Variants in PCDHGB4 observed in about 807,000 individuals in gnomAD.
The protein encoded by PCDHGB4 is protocadherin gamma subfamily B, 4, also known as protocadherin gamma-B4.
A neutral mutation model predicts 60.5 loss-of-function variants in PCDHGB4; 38 were observed. The ratio of observed to expected loss-of-function variants is 0.63; its 90% CI spans 0.48 to 0.82. The LOEUF is 0.82. Among genes scored for constraint, PCDHGB4 ranks in the 40% least tolerant of loss-of-function variants. The pLI is 0.00. For missense variants in PCDHGB4, 1,109 were observed against 1,209.6 expected (o/e 0.92, Z 1.23); for synonymous variants, 456 against 509.7 (o/e 0.89, Z 1.42).
chr5:141,395,403 A>C (rs1383871945), intron 1 of PCDHGB4: 7 of 849,376 alleles, frequency 8.2e-6, no homozygotes, highest in Non-Finnish European at 1.2e-5. Context: ...TCTAATAGTC[A>C]TAGGTTATTG....
chr5:141,424,295 C>T (rs1481053072), intron 1 of PCDHGB4: 1 of 152,526 alleles, frequency 6.6e-6, no homozygotes, highest in East Asian at 1.9e-4. Flanking sequence ...TTTCTTCATC[C>T]TATCAACACA....
intron 1 of PCDHGB4, chr5:141,428,003 C>A (rs1175875944): frequency 2.5e-6 from 4 of 1,601,244 alleles, no homozygotes; most frequent in Non-Finnish European, 3.4e-6. Context: ...CCGCACTCTT[C>A]GATATAGTGC....
At chr5:141,419,203 C>A in intron 1 of PCDHGB4, 1 of 1,613,988 alleles carries the variant, frequency 6.2e-7, no homozygotes, top group South Asian at 1.1e-5. Context: ...TCAATGACAA[C>A]GCGCCGGTTT....
rs1264759473 is a variant in PCDHGB4 at position 141,486,183 on chromosome 5, G to A, written c.2398-8624G>A. On this transcript the variant is annotated intron_variant, in intron 1 of 3. Transcript: ENST00000519479. The surrounding 1 kb of genome is among the most constrained non-coding windows in gnomAD (Gnocchi z 5.0). The stretch of plus-strand genomic sequence containing the variant: ...GCCATGGAGCAACATTGCAGCCTTC[G>A]AGTGGATCTGCTGGACGTAAATGAC... 3 of 1,614,154 alleles carry A rather than the reference G, an allele frequency of 1.9e-6. No homozygotes were observed. The highest frequency in any genetic ancestry group is 1.1e-5 in the South Asian group (1 of 91,082).
chr5:141,434,261 G>A (rs1269166732), intron 1 of PCDHGB4, among the ~76,000 whole-genome samples: 2 of 152,194 alleles, frequency 1.3e-5, no homozygotes. Context: ...TTGTGGGGGA[G>A]GTGGAAATTA....
chr5:141,485,116 G>T lies in PCDHGB4; in HGVS notation c.2398-9691G>T, dbSNP rs904145668. ...TGTCTCCAGCTGCTGTGGCTGTTTGGGGCGGGTCGGCTTCATCCGCGTCTC... is the reference window on the plus strand; with the variant it reads ...TGTCTCCAGCTGCTGTGGCTGTTTGTGGCGGGTCGGCTTCATCCGCGTCTC... On this transcript the variant is annotated intron_variant, in intron 1 of 3. Coordinates refer to ENST00000519479, the MANE Select transcript of PCDHGB4 (RefSeq NM_003736.4). This position sits in a 1 kb window ranked among gnomAD's most constrained non-coding sequence, Gnocchi z 5.7. 3.0e-6 allele frequency: 4 copies of T among 1,312,058 alleles called. No homozygotes were observed. The African/African-American group carries it at 5.8e-5, about 19-fold the overall frequency. 81.3% of individuals were successfully genotyped at this position (1,312,058 alleles called of 1,614,324 possible).
At chr5:141,460,985 ATATATATATATGTG>A (rs2099005673) in intron 1 of PCDHGB4, among the ~76,000 whole-genome samples, 1 of 91,766 alleles carries the variant, frequency 1.1e-5, no homozygotes, top group Non-Finnish European at 2.2e-5. Flanking sequence ...GTGTGTGTGT[ATATATATATATGTG>A]TATATATATA....
chr5:141,399,643 C>G lies in PCDHGB4; in HGVS notation c.2397+9362C>G, dbSNP rs776980167. On this transcript the variant is annotated intron_variant, in intron 1 of 3. Transcript: ENST00000519479. The stretch of plus-strand genomic sequence containing the variant: ...GGCCTCTTACGTGTCCATGAGCGCG[C>G]AAAGTGGGGTGGTGTTCGCGCAGCG... 133 of 1,613,714 alleles carry G rather than the reference C, an allele frequency of 8.2e-5. No individual in the cohort carries two copies. Among genetic ancestry groups the G allele is most frequent in the Non-Finnish European group, 1.1e-4 (126 of 1,179,890 alleles).
chr5:141,421,734 G>A (rs761780459), intron 1 of PCDHGB4: 1 of 1,613,948 alleles, frequency 6.2e-7, no homozygotes, highest in Non-Finnish European at 8.5e-7. Flanking sequence ...ACTCCCTCCA[G>A]AGCTACCAGC....
chr5:141,418,064 A>T, intron 1 of PCDHGB4: 1 of 1,614,006 alleles, frequency 6.2e-7, no homozygotes, highest in Non-Finnish European at 8.5e-7. Flanking sequence ...GCTGCGAGTG[A>T]GCGCGGAGAA....
At chr5:141,408,504 G>C (rs752297449) in intron 1 of PCDHGB4, 2 of 1,613,936 alleles carry the variant, frequency 1.2e-6, no homozygotes, top group Non-Finnish European at 1.7e-6. Context: ...GAGAGAAGAA[G>C]ATGTGAGTTG....
At chr5:141,430,573 A>T (rs938248057) in intron 1 of PCDHGB4, 2 of 449,056 alleles carry the variant, frequency 4.5e-6, no homozygotes, top group Non-Finnish European at 7.6e-6. Flanking sequence ...AGAAAAGCGG[A>T]GATCCTGCTC....
intron 1 of PCDHGB4, among the ~76,000 whole-genome samples, chr5:141,405,721 A>G (rs1295046106): frequency 1.3e-5 from 2 of 151,702 alleles, no homozygotes; most frequent in African/African-American, 4.8e-5. Context: ...CAAGTGATCC[A>G]CCCACCTCAG....
At position 141,499,673 on chromosome 5, in the gene PCDHGB4, C is replaced by A. The variant is rs1193484216; in HGVS notation, c.2456+4808C>A. Among the ~76,000 whole-genome samples the A allele has an allele frequency of 2.7e-5, 4 of 150,550 alleles. No individual in the cohort carries two copies. In the East Asian group the frequency reaches 7.8e-4, roughly 29 times the overall value. On this transcript the variant is annotated intron_variant, in intron 2 of 3. Transcript: ENST00000519479. ...CATATAATTTCATCTTGGTCTCCACCATCTTTAACAGATGACTTTTTTTTT... is the reference window on the plus strand; with the variant it reads ...CATATAATTTCATCTTGGTCTCCACAATCTTTAACAGATGACTTTTTTTTT...
rs1590066119 is a variant in PCDHGB4, at chr5:141,417,816, C to G, written c.2397+27535C>G. On this transcript the variant is annotated intron_variant, in intron 1 of 3. Transcript: ENST00000519479. ...CTTTTAGCGCGGTAGAGTGCACTTT[C>G]TCCAACTGGAAAAGCGGGGACCCAG... is the stretch of plus-strand genomic sequence containing the variant. 3 of 1,511,044 alleles carry G rather than the reference C, an allele frequency of 2.0e-6. No homozygotes were observed. The East Asian group carries it at 7.4e-5, about 37-fold the overall frequency. 93.6% of individuals were successfully genotyped at this position (1,511,044 alleles called of 1,614,324 possible).
At position 141,432,455 on chromosome 5, in the gene PCDHGB4, G is replaced by A; in HGVS notation, c.2397+42174G>A. The A allele has an allele frequency of 6.2e-7, 1 of 1,614,176 alleles. No individual in the cohort carries two copies. The highest frequency in any genetic ancestry group is 8.5e-7 in the Non-Finnish European group (1 of 1,180,042). On this transcript the variant is annotated intron_variant, in intron 1 of 3. Transcript: ENST00000519479. The surrounding 1 kb of genome is among the most constrained non-coding windows in gnomAD (Gnocchi z 6.0). ...CAATGCGCCCGAGATCCTGTACCCCGCCCTCCCCACGGACGGTTCCACTGG... is the reference window on the plus strand; with the variant it reads ...CAATGCGCCCGAGATCCTGTACCCCACCCTCCCCACGGACGGTTCCACTGG...
chr5:141,471,036 C>A (rs1437409726), intron 1 of PCDHGB4, among the ~76,000 whole-genome samples: 1 of 144,908 alleles, frequency 6.9e-6, no homozygotes, highest in Admixed American at 7.0e-5. Context: ...TATTAACAAG[C>A]CCAAGCCCTC....
At position 141,485,035 on chromosome 5, in the gene PCDHGB4, AC is replaced by A; in HGVS notation, c.2398-9769del. ...CCGCCACCAGCAAAAACGGCGCGTA[AC>A]CCTTGCGGCGCCGGCCGAACCGCGC... On this transcript the variant is annotated intron_variant, in intron 1 of 3. Coordinates refer to ENST00000519479, the MANE Select transcript of PCDHGB4 (RefSeq NM_003736.4). The surrounding 1 kb of genome is among the most constrained non-coding windows in gnomAD (Gnocchi z 5.7). 1.4e-6 allele frequency: 1 copy of A among 694,388 alleles called. No homozygotes were observed. Among genetic ancestry groups the A allele is most frequent in the East Asian group, 2.6e-5 (1 of 38,852 alleles). The allele number at this position is 694,388 out of a possible 1,614,324, so 43.0% of individuals were successfully genotyped here.
chr5:141,509,765 T>G (rs1312823974), intron 3 of PCDHGB4, among the ~76,000 whole-genome samples: 2 of 152,120 alleles, frequency 1.3e-5, no homozygotes, highest in Non-Finnish European at 1.5e-5. Flanking sequence ...GTCCCTGAGA[T>G]GTCTAGTCCC....
Sources: allele counts gnomAD v4.1 joint callset (sites outside exome capture counted in the v4.1 genomes callset), GRCh38; gene constraint gnomAD v4.1.1; non-coding constraint Gnocchi (gnomAD v3.1); transcripts MANE v1.5; gene names NCBI Gene and HGNC (gene_info 2026-07-23, HGNC 2026-07-21).